ITM2C: variants seen among roughly 807,000 people sequenced by gnomAD.
The protein encoded by ITM2C is integral membrane protein 2C.
In ITM2C, 20 loss-of-function variants were observed where a neutral mutation model predicts 30.0. That is an observed-to-expected ratio of 0.67 (90% CI 0.47 to 0.97). The LOEUF (loss-of-function observed/expected upper bound fraction) is 0.97. ITM2C is among the 50% of genes least tolerant of loss of function. ITM2C has a pLI of 0.00. For synonymous variants in ITM2C, 167 were observed against 156.4 expected, an observed-to-expected ratio of 1.07 and a Z score of -0.51; for missense variants, 366 against 371.9, an observed-to-expected ratio of 0.98 and a Z score of 0.13.
intron 1 of ITM2C, among the ~76,000 whole-genome samples, chr2:230,866,738 A>G (rs977693154): frequency 2.0e-5 from 3 of 152,076 alleles, no homozygotes; most frequent in Non-Finnish European, 4.4e-5. Context: ...CAGCCTGGGG[A>G]GGGGCAGGGA....
chr2:230,870,730 T>G (rs1247307840), intron 1 of ITM2C, among the ~76,000 whole-genome samples: 2 of 152,140 alleles, frequency 1.3e-5, no homozygotes, highest in African/African-American at 4.8e-5. Context: ...GGGACCCAGC[T>G]CAAGTTCTGC....
Position 230,876,195 on chromosome 2 carries a change from C to A in ITM2C, c.450+387C>A, listed in dbSNP as rs138229141. Among the ~76,000 whole-genome samples, 1,370 of 152,316 alleles carry A rather than the reference C, an allele frequency of 9.0e-3. 8 individuals carry two copies. The highest frequency in any genetic ancestry group is 0.014 in the South Asian group (67 of 4,830). ...AGGGCATCTCTCGCTGGGGTCCAGGCTGTCCCAGGAATGGCTGGCCCTCAC... is the reference window on the plus strand; with the variant it reads ...AGGGCATCTCTCGCTGGGGTCCAGGATGTCCCAGGAATGGCTGGCCCTCAC... On this transcript the variant is annotated intron_variant, in intron 3 of 5. Transcript: ENST00000326427.
At position 230,876,974 on chromosome 2, in the gene ITM2C, A is replaced by AG. The variant is rs764048072; in HGVS notation, c.561+12dup. ...GCTCCTCATGAACGTGAAGGTGCGC[A>AG]GGGGGTTGGGGGGATGTCTGCAGCA... On this transcript the variant is annotated splice_region_variant and intron_variant, in intron 4 of 5. Transcript: ENST00000326427. 1 of 1,589,276 alleles carries AG rather than the reference A, an allele frequency of 6.3e-7. No individual in the cohort carries two copies. Among genetic ancestry groups the AG allele is most frequent in the Non-Finnish European group, 8.6e-7 (1 of 1,157,620 alleles).
At chr2:230,866,224 C>T (rs1697025622) in intron 1 of ITM2C, among the ~76,000 whole-genome samples, 1 of 152,182 alleles carries the variant, frequency 6.6e-6, no homozygotes, top group Non-Finnish European at 1.5e-5. Flanking sequence ...ATGTCCTCCC[C>T]GCCTCCCCAC....
At position 230,865,280 on chromosome 2, in the gene ITM2C, C is replaced by T. The variant is rs1239261779; in HGVS notation, c.120+135C>T. ...GGGGTGGAGCAGGGTTGGGAAGTCT[C>T]GAATGGTTGCTTATCCCAGAATGAG... On this transcript the variant is annotated intron_variant, in intron 1 of 5. Transcript: ENST00000326427. The surrounding 1 kb of genome is among the most constrained non-coding windows in gnomAD (Gnocchi z 6.8). The T allele has an allele frequency of 1.1e-6, 1 of 931,242 alleles. No homozygotes were observed. 57.7% of individuals were successfully genotyped at this position (931,242 alleles called of 1,614,324 possible). A position where few individuals can be genotyped will look rare whatever the true frequency, so the allele number is the denominator to read the frequency against.
chr2:230,868,581 A>G (rs1048186802), intron 1 of ITM2C, among the ~76,000 whole-genome samples: 1 of 148,554 alleles, frequency 6.7e-6, no homozygotes, highest in Non-Finnish European at 1.5e-5. Flanking sequence ...TCATCTTCTT[A>G]CCTCTGTAAT....
intron 1 of ITM2C, among the ~76,000 whole-genome samples, chr2:230,870,344 C>T (rs896435394): frequency 7.9e-5 from 12 of 152,254 alleles, no homozygotes; most frequent in South Asian, 2.1e-4. Flanking sequence ...GGGACATCTG[C>T]GCTTTCCTGT....
At chr2:230,866,241 T>C (rs1697026310) in intron 1 of ITM2C, among the ~76,000 whole-genome samples, 2 of 152,152 alleles carry the variant, frequency 1.3e-5, no homozygotes, top group South Asian at 2.1e-4. Flanking sequence ...CCACCCCGCA[T>C]TGAGGCAGGA....
In ITM2C at chr2:230,864,966, G is replaced by A. The variant is rs1696985476; in HGVS notation, c.-60G>A. Reference sequence around the variant, plus strand: ...TGCCTGCAGAGCTCGGAGCGGCGGAGGCAGAGACCGAGGCTGCACCGGCAG... The same window carrying A: ...TGCCTGCAGAGCTCGGAGCGGCGGAAGCAGAGACCGAGGCTGCACCGGCAG... On this transcript the variant is annotated 5_prime_UTR_variant, in exon 1 of 6. Coordinates refer to ENST00000326427, the MANE Select transcript of ITM2C (RefSeq NM_030926.6). The surrounding 1 kb of genome is among the most constrained non-coding windows in gnomAD (Gnocchi z 4.3). The A allele has an allele frequency of 1.5e-6, 2 of 1,375,208 alleles. No homozygotes were observed. Among genetic ancestry groups the A allele is most frequent in the Non-Finnish European group, 1.9e-6 (2 of 1,053,382 alleles). The allele number at this position is 1,375,208 out of a possible 1,614,324, so 85.2% of individuals were successfully genotyped here. A position where few individuals can be genotyped will look rare whatever the true frequency, so the allele number is the denominator to read the frequency against.
chr2:230,876,702 C>T (rs1363184848), intron 3 of ITM2C, among the ~76,000 whole-genome samples, 155 bp from the exon 4 acceptor site: 1 of 152,100 alleles, frequency 6.6e-6, no homozygotes, highest in Non-Finnish European at 1.5e-5. Flanking sequence ...AGGATGGTCT[C>T]GATCTCCTGA....
rs148216111 is a variant in ITM2C, at chr2:230,875,726, A to T, written c.368A>T (p.Asp123Val). 4.3e-6 allele frequency: 7 copies of T among 1,610,756 alleles called. No homozygotes were observed. In the African/African-American group the frequency reaches 6.7e-5, roughly 15 times the overall value. The change falls in exon 3 of 6, where the codon GAC (aspartate) becomes GTC (valine). Residue 123 changes from aspartate to valine, a missense_variant. Transcript: ENST00000326427. Reference sequence around the variant, plus strand: ...GAAGAGGATGTGAAAATCTACCTCGACGAGAACTACGAGCGCATCAACGTG... The same window carrying T: ...GAAGAGGATGTGAAAATCTACCTCGTCGAGAACTACGAGCGCATCAACGTG... ...ELEEDVKIYLDENYERINVPV... is the reference protein window; with the variant it reads ...ELEEDVKIYLVENYERINVPV...
At chr2:230,876,797 G>T (rs1322666173) in intron 3 of ITM2C, 60 bp from the exon 4 acceptor site, 1 of 1,194,668 alleles carries the variant, frequency 8.4e-7, no homozygotes, top group East Asian at 2.3e-5. Flanking sequence ...GCTTCTTGCA[G>T]CCCTGCCTGG....
intron 1 of ITM2C, among the ~76,000 whole-genome samples, chr2:230,866,725 A>G (rs973399004): frequency 6.6e-6 from 1 of 151,962 alleles, no homozygotes; most frequent in Non-Finnish European, 1.5e-5. Context: ...GCTGCCCTCC[A>G]CTCAGCCTGG....
At chr2:230,873,898 A>G (rs1347735891) in intron 2 of ITM2C, among the ~76,000 whole-genome samples, 1 of 152,230 alleles carries the variant, frequency 6.6e-6, no homozygotes, top group Non-Finnish European at 1.5e-5. Flanking sequence ...CAGACCCTGC[A>G]CCTGCAGGTC....
chr2:230,867,651 CTATT>C (rs1325194787), intron 1 of ITM2C, among the ~76,000 whole-genome samples: 1 of 125,540 alleles, frequency 8.0e-6, no homozygotes, highest in East Asian at 2.4e-4. Flanking sequence ...TTTATTTTAT[CTATT>C]TTATTTTATT....
chr2:230,877,814 C>T lies in ITM2C; in HGVS notation c.713-194C>T, dbSNP rs187734178. Among the ~76,000 whole-genome samples the T allele has an allele frequency of 6.6e-6, 1 of 152,316 alleles. No individual in the cohort carries two copies. Among genetic ancestry groups the T allele is most frequent in the East Asian group, 1.9e-4 (1 of 5,190 alleles). On this transcript the variant is annotated intron_variant, in intron 5 of 5. Coordinates refer to ENST00000326427, the MANE Select transcript of ITM2C (RefSeq NM_030926.6). This position sits in a 1 kb window ranked among gnomAD's most constrained non-coding sequence, Gnocchi z 4.8. ...AGAGAGGTTAACACCCTGGAGGTCA[C>T]ACAGCAGGGAGGTGGCAGACATGGG...
chr2:230,874,739 C>G (rs1328072694), intron 2 of ITM2C, among the ~76,000 whole-genome samples: 1 of 152,206 alleles, frequency 6.6e-6, no homozygotes, highest in South Asian at 2.1e-4. Context: ...GGAATCCTGC[C>G]GATCCCAGGC....
At chr2:230,876,773 C>A in intron 3 of ITM2C, 84 bp from the exon 4 acceptor site, 1 of 893,032 alleles carries the variant, frequency 1.1e-6, no homozygotes, top group Non-Finnish European at 1.8e-6. Flanking sequence ...AGCCACCGCG[C>A]CTGGCTGGCC....
chr2:230,877,404 G>A lies in ITM2C; in HGVS notation c.566G>A (p.Gly189Glu). 5 of 1,613,678 alleles carry A rather than the reference G, an allele frequency of 3.1e-6. No homozygotes were observed. In the South Asian group the frequency reaches 4.4e-5, roughly 14 times the overall value. Residue 189 changes from glycine to glutamate, a missense_variant, in exon 5 of 6, where the codon GGG becomes GAG. By Grantham distance (98) the Gly-to-Glu change is moderately conservative. Coordinates refer to ENST00000326427, the MANE Select transcript of ITM2C (RefSeq NM_030926.6). The surrounding 1 kb of genome is among the most constrained non-coding windows in gnomAD (Gnocchi z 4.8). Reference protein sequence around the residue: ...FWELLMNVKRGTYLPQTYIIQ... With the variant: ...FWELLMNVKRETYLPQTYIIQ... The stretch of plus-strand genomic sequence containing the variant: ...GGCGGCCACCTTGTTTTGCAGAGGG[G>A]GACCTACCTGCCGCAGACGTACATC...
Sources: allele counts gnomAD v4.1 joint callset (sites outside exome capture counted in the v4.1 genomes callset), GRCh38; gene constraint gnomAD v4.1.1; non-coding constraint Gnocchi (gnomAD v3.1); transcripts MANE v1.5; gene names NCBI Gene and HGNC (gene_info 2026-07-23, HGNC 2026-07-21).